Variants in FAT1 observed in about 807,000 individuals in gnomAD.
The protein encoded by FAT1 is FAT atypical cadherin 1, also known as protocadherin Fat 1.
In FAT1, 171 loss-of-function variants were observed where a neutral mutation model predicts 329.8. The ratio of observed to expected loss-of-function variants is 0.52; its 90% CI spans 0.46 to 0.59. FAT1 has a LOEUF of 0.59. Ranked by LOEUF, FAT1 falls within the 20% of genes least tolerant of loss-of-function variation. The pLI, the probability that FAT1 is intolerant of heterozygous loss-of-function variation, is 0.00. For synonymous variants in FAT1, 2,233 were observed against 2,228.6 expected (o/e 1.00, Z -0.06); for missense variants, 5,672 against 5,774.4 (o/e 0.98, Z 0.57).
chr4:186,609,181 AC>A lies in FAT1; in HGVS notation c.10206+1del. On this transcript the variant is annotated splice_donor_variant, in intron 16 of 26. Coordinates refer to ENST00000441802, the MANE Select transcript of FAT1 (RefSeq NM_005245.4). LOFTEE classifies it high-confidence loss of function. The stretch of plus-strand genomic sequence containing the variant: ...CAACGTAAATCAACCTTTTTCACTT[AC>A]CGTTTCTCGGTCGAGAAGTTTGGTC... 6.2e-7 allele frequency: 1 copy of A among 1,610,602 alleles called. No homozygotes were observed.
chr4:186,676,257 AT>A (rs1299435777), intron 2 of FAT1, among the ~76,000 whole-genome samples: 16 of 151,290 alleles, frequency 1.1e-4, no homozygotes, highest in Admixed American at 9.8e-4. Context: ...TTTTAAAAAA[AT>A]AAATGTCAAT....
At chr4:186,671,414 T>C (rs966531314) in intron 2 of FAT1, among the ~76,000 whole-genome samples, 1 of 152,170 alleles carries the variant, frequency 6.6e-6, no homozygotes, top group African/African-American at 2.4e-5. Context: ...TTAAAATAAC[T>C]GGGCCGGGCA....
At position 186,588,985 on chromosome 4, in the gene FAT1, C is replaced by T. The variant is rs75883674; in HGVS notation, c.13374G>A (p.Gln4458=). ...LPPLPPEFSN[Q]FESIHPPRDM... is the part of the protein sequence containing the mutation. ...CTCTAGGAGGGTGGATGGATTCAAA[C>T]TGATTGCTGAATTCGGGCGGTAACG... is the stretch of plus-strand genomic sequence containing the variant. Residue 4458 remains glutamine, a synonymous_variant, in exon 27 of 27, where the codon CAG becomes CAA. Coordinates refer to ENST00000441802, the MANE Select transcript of FAT1 (RefSeq NM_005245.4). 4.8e-5 allele frequency: 78 copies of T among 1,613,984 alleles called. No individual in the cohort carries two copies. The East Asian group carries it at 1.7e-3, about 35-fold the overall frequency.
intron 26 of FAT1, among the ~76,000 whole-genome samples, chr4:186,592,431 G>T (rs3775309): frequency 0.55 from 83,706 of 151,930 alleles, 23,467 homozygotes; most frequent in African/African-American, 0.63. Flanking sequence ...ACTTTTTCTT[G>T]ATTGCACCAC....
At chr4:186,724,413 C>T (rs567489135), upstream of FAT1, among the ~76,000 whole-genome samples, 43 of 152,264 alleles carry the variant, frequency 2.8e-4, no homozygotes, top group African/African-American at 9.6e-4. The surrounding 1 kb of genome is among the most constrained non-coding windows in gnomAD (Gnocchi z 5.3). Context: ...AACGCTTCCC[C>T]CGCGACCTTT....
chr4:186,684,525 C>T (rs543318474), intron 2 of FAT1, among the ~76,000 whole-genome samples: 5 of 152,276 alleles, frequency 3.3e-5, no homozygotes, highest in South Asian at 2.1e-4. Flanking sequence ...ATGGAACTGA[C>T]GCTCGGCCCG....
At chr4:186,682,526 C>CAAAAAAAAAAAAAAA (rs10561120) in intron 2 of FAT1, among the ~76,000 whole-genome samples, 1,698 of 119,154 alleles carry the variant, frequency 0.014, 134 homozygotes, top group African/African-American at 0.033. Flanking sequence ...GACTCTGTCT[C>CAAAAAAAAAAAAAAA]AAAAAAAAAA....
chr4:186,652,694 G>C (rs1377977555), intron 3 of FAT1, among the ~76,000 whole-genome samples: 5 of 151,746 alleles, frequency 3.3e-5, no homozygotes, highest in Admixed American at 3.3e-4. Flanking sequence ...TCCTTCCTTT[G>C]CAGCTATCAA....
At chr4:186,705,633 G>A (rs537902036) in intron 2 of FAT1, among the ~76,000 whole-genome samples, 2 of 152,320 alleles carry the variant, frequency 1.3e-5, no homozygotes, top group South Asian at 4.1e-4. Context: ...GCTAAACACA[G>A]AAGATGCAGG....
Position 186,692,220 on chromosome 4 carries a change from CTG to C in FAT1, c.3265+14341_3265+14342del, listed in dbSNP as rs1743802949. 2.0e-5 allele frequency among the ~76,000 whole-genome samples: 3 copies of C among 152,264 alleles called. No individual in the cohort carries two copies. The South Asian group carries it at 6.2e-4, about 31-fold the overall frequency. ...TTACCACAGAGCACTTTCCTATTAA[CTG>C]TTGCACATACGTCCCGTAACAAACA... On this transcript the variant is annotated intron_variant, in intron 2 of 26. Transcript: ENST00000441802.
Position 186,617,725 on chromosome 4 carries a change from A to G in FAT1, c.8861T>C (p.Val2954Ala), listed in dbSNP as rs1739779997. 1 of 1,573,932 alleles carries G rather than the reference A, an allele frequency of 6.4e-7. No individual in the cohort carries two copies. Among genetic ancestry groups the G allele is most frequent in the Admixed American group, 1.9e-5 (1 of 52,596 alleles). ...TTTTTTACCTGTTATGAAATATGTAACTTGTCTGTTGATCTCTTCAGAATC... is the reference window on the plus strand; with the variant it reads ...TTTTTTACCTGTTATGAAATATGTAGCTTGTCTGTTGATCTCTTCAGAATC... ...DADSEEINRQVTYFITGGDPL... is the reference protein window; with the variant it reads ...DADSEEINRQATYFITGGDPL... The change falls in exon 10 of 27, where the codon GTT (valine) becomes GCT (alanine). Residue 2954 changes from valine to alanine, a missense_variant. Physicochemically the swap from Val to Ala is moderately conservative, Grantham distance 64 (BLOSUM62 0). Around this residue, in one of 2 missense-constraint regions of FAT1, gnomAD observed 3,966 missense variants for 3,915.2 expected, o/e 1.01. Coordinates refer to ENST00000441802, the MANE Select transcript of FAT1 (RefSeq NM_005245.4).
chr4:186,647,014 G>A lies in FAT1; in HGVS notation c.3581-7231C>T, dbSNP rs144900411. 5.1e-3 allele frequency among the ~76,000 whole-genome samples: 784 copies of A among 152,280 alleles called. 2 individuals carry two copies. The highest frequency in any genetic ancestry group is 0.017 in the African/African-American group (712 of 41,542). On this transcript the variant is annotated intron_variant, in intron 3 of 26. Transcript: ENST00000441802. Reference sequence around the variant, plus strand: ...ATTAAATCTATGTTCATAAACAGTAGTAATGTCATAATGTTTACGATCTCA... The same window carrying A: ...ATTAAATCTATGTTCATAAACAGTAATAATGTCATAATGTTTACGATCTCA...
chr4:186,705,695 A>G (rs546453154), intron 2 of FAT1, among the ~76,000 whole-genome samples: 3 of 152,356 alleles, frequency 2.0e-5, no homozygotes, highest in South Asian at 2.1e-4. Context: ...ATATTGACAT[A>G]TAACTACAAT....
At chr4:186,706,437 C>T (rs2126681229) in intron 2 of FAT1, 126 bp downstream of exon 2, 2 of 985,976 alleles carry the variant, frequency 2.0e-6, no homozygotes, top group Middle Eastern at 2.4e-4. Context: ...AAAATATTCA[C>T]ACGCACTTCT....
chr4:186,665,549 T>G (rs1210022503), intron 2 of FAT1, among the ~76,000 whole-genome samples: 4 of 152,200 alleles, frequency 2.6e-5, no homozygotes, highest in Non-Finnish European at 4.4e-5. Context: ...GTTGTTTTTT[T>G]CTTGTAAATT....
At chr4:186,633,608 T>C (rs947016947) in intron 7 of FAT1, 76 bp downstream of exon 7, 25 of 1,531,910 alleles carry the variant, frequency 1.6e-5, no homozygotes, top group Non-Finnish European at 5.4e-6. Context: ...CCACCGCTCA[T>C]ATTGCCCGTG....
intron 3 of FAT1, among the ~76,000 whole-genome samples, chr4:186,658,646 C>T (rs1391473778): frequency 6.6e-6 from 1 of 152,212 alleles, no homozygotes; most frequent in African/African-American, 2.4e-5. Context: ...GTAGCCGTCT[C>T]CCATACACTT....
chr4:186,640,769 C>T (rs929686356), intron 3 of FAT1, among the ~76,000 whole-genome samples: 12 of 152,296 alleles, frequency 7.9e-5, no homozygotes, highest in African/African-American at 2.9e-4. Context: ...AAGGCAATTA[C>T]AATTTATAAA....
intron 13 of FAT1, among the ~76,000 whole-genome samples, 196 bp downstream of exon 13, chr4:186,612,913 C>T (rs1219128508): frequency 6.6e-6 from 1 of 152,148 alleles, no homozygotes; most frequent in Admixed American, 6.5e-5. Flanking sequence ...AGTAGGTTCA[C>T]TGGGCACAAC....
Sources: gnomAD v4.1 joint callset for allele counts (sites outside exome capture counted in the v4.1 genomes callset) on GRCh38, gnomAD v4.1.1 for gene constraint, gnomAD v4.1.1 regional missense constraint, Gnocchi (gnomAD v3.1) non-coding constraint, MANE v1.5 for transcripts, NCBI Gene and HGNC (gene_info 2026-07-23, HGNC 2026-07-21) for gene names.